Variants in EPHA6 observed in about 807,000 individuals in gnomAD.
EPHA6 encodes the protein ephrin type-A receptor 6.
A neutral mutation model predicts 112.0 loss-of-function variants in EPHA6; 50 were observed. That is an observed-to-expected ratio of 0.45 (90% confidence interval 0.36 to 0.56). The LOEUF (loss-of-function observed/expected upper bound fraction) is 0.56, where lower values mean the gene tolerates loss of function less well. EPHA6 is among the 20% of genes least tolerant of loss of function. The pLI is 0.00. For synonymous variants in EPHA6, 529 were observed against 490.7 expected (o/e 1.08, Z -1.03); for missense variants, 1,280 against 1,417.4 (o/e 0.90, Z 1.56).
intron 14 of EPHA6, among the ~76,000 whole-genome samples, chr3:97,716,286 G>GCTTCT (rs1406266727): frequency 4.1e-4 from 52 of 125,828 alleles, no homozygotes; most frequent in African/African-American, 2.1e-3. Flanking sequence ...AAGAAAAGAT[G>GCTTCT]GGCCGGGCGC....
chr3:97,388,635 T>G (rs1433554913), intron 5 of EPHA6, among the ~76,000 whole-genome samples: 2 of 152,140 alleles, frequency 1.3e-5, no homozygotes, highest in African/African-American at 2.4e-5. Flanking sequence ...CTTCTTCTCT[T>G]TGGTAATGGG....
At chr3:97,689,115 AGATATTAT>A (rs1280174593) in intron 14 of EPHA6, among the ~76,000 whole-genome samples, 1 of 152,240 alleles carries the variant, frequency 6.6e-6, no homozygotes, top group Non-Finnish European at 1.5e-5. Flanking sequence ...TATAGATATC[AGATATTAT>A]GTGAAGTAAA....
At chr3:97,198,138 C>G (rs533881968) in intron 3 of EPHA6, among the ~76,000 whole-genome samples, 3 of 152,202 alleles carry the variant, frequency 2.0e-5, no homozygotes, top group Non-Finnish European at 4.4e-5. Flanking sequence ...ACTATGGTCA[C>G]TCACCTGATT....
chr3:97,275,913 T>G (rs2080061633), intron 5 of EPHA6, among the ~76,000 whole-genome samples: 1 of 151,850 alleles, frequency 6.6e-6, no homozygotes, highest in South Asian at 2.1e-4. Flanking sequence ...AGCCTAGGAA[T>G]AGTCAGGGAA....
intron 14 of EPHA6, among the ~76,000 whole-genome samples, chr3:97,687,014 A>G (rs2032300835): frequency 6.6e-6 from 1 of 152,130 alleles, no homozygotes; most frequent in African/African-American, 2.4e-5. Context: ...CTTGCACTTC[A>G]CCTGCAATGA....
chr3:97,523,730 C>T (rs1383056021), intron 10 of EPHA6, among the ~76,000 whole-genome samples: 2 of 151,816 alleles, frequency 1.3e-5, no homozygotes, highest in Non-Finnish European at 2.9e-5. Context: ...TCTAGGTGCT[C>T]CAATGTTAGA....
intron 2 of EPHA6, among the ~76,000 whole-genome samples, chr3:96,985,649 A>T (rs1489650495): frequency 2.0e-5 from 3 of 152,114 alleles, no homozygotes; most frequent in African/African-American, 7.2e-5. Context: ...ATTCAAAGGA[A>T]CTCATTGTTT....
chr3:96,993,351 C>T (rs1366623851), intron 3 of EPHA6, among the ~76,000 whole-genome samples: 1 of 150,710 alleles, frequency 6.6e-6, no homozygotes, highest in African/African-American at 2.4e-5. Flanking sequence ...GGCTAGAGTA[C>T]AGTGGCGCGA....
rs374542349 is a variant in EPHA6, at chr3:97,036,949, C to G, written c.1114+48956C>G. Among the ~76,000 whole-genome samples, 26 of 151,992 alleles carry G rather than the reference C, an allele frequency of 1.7e-4. No individual in the cohort carries two copies. In the East Asian group the frequency reaches 4.7e-3, roughly 27 times the overall value. ...CTAGGTCAGTTATGTGACTCGCCGA[C>G]CCCTGGAGAATTCCATGGCCATTGA... On this transcript the variant is annotated intron_variant, in intron 3 of 17. Transcript: ENST00000389672.
chr3:97,005,385 A>G (rs533046411), intron 3 of EPHA6, among the ~76,000 whole-genome samples: 1 of 152,188 alleles, frequency 6.6e-6, no homozygotes, highest in African/African-American at 2.4e-5. Context: ...GCAATTGTGA[A>G]TGGGAGTTCA....
At position 97,749,956 on chromosome 3, in the gene EPHA6, T is replaced by C. The variant is rs145089150; in HGVS notation, c.*1255T>C. Among the ~76,000 whole-genome samples the C allele has an allele frequency of 6.8e-3, 1,042 of 152,298 alleles. 10 individuals are homozygous for C. Among genetic ancestry groups the C allele is most frequent in the Non-Finnish European group, 0.01 (713 of 68,022 alleles). On this transcript the variant is annotated 3_prime_UTR_variant, in exon 18 of 18. Transcript: ENST00000389672. ...AACCTGGGTCCAACGTACAGTTACA[T>C]AAAAATGAGAACACAGCTGTGTTGT...
At chr3:97,656,450 A>G (rs984631376) in intron 14 of EPHA6, among the ~76,000 whole-genome samples, 1 of 152,032 alleles carries the variant, frequency 6.6e-6, no homozygotes, top group Admixed American at 6.6e-5. Flanking sequence ...AACTTTTCCG[A>G]ACCTATAAAT....
intron 3 of EPHA6, among the ~76,000 whole-genome samples, chr3:97,222,108 G>A (rs1315435966): frequency 6.6e-6 from 1 of 151,544 alleles, no homozygotes; most frequent in Non-Finnish European, 1.5e-5. Flanking sequence ...TGTGCATACT[G>A]TGATATGTGA....
At chr3:97,445,840 A>G (rs1296793001) in intron 6 of EPHA6, among the ~76,000 whole-genome samples, 1 of 152,114 alleles carries the variant, frequency 6.6e-6, no homozygotes, top group African/African-American at 2.4e-5. Flanking sequence ...CAAAGATGAA[A>G]AACAGAACTT....
At chr3:97,121,934 C>G (rs1469646472) in intron 3 of EPHA6, among the ~76,000 whole-genome samples, 1 of 151,908 alleles carries the variant, frequency 6.6e-6, no homozygotes, top group Non-Finnish European at 1.5e-5. Flanking sequence ...TTGGTCTGGT[C>G]CCCCATATTC....
At chr3:97,739,539 G>A (rs1000508010) in intron 16 of EPHA6, among the ~76,000 whole-genome samples, 3 of 151,940 alleles carry the variant, frequency 2.0e-5, no homozygotes, top group African/African-American at 7.2e-5. Context: ...CTAACATATT[G>A]GAAATTTCAT....
chr3:97,266,008 G>T, intron 5 of EPHA6, among the ~76,000 whole-genome samples: 1 of 152,164 alleles, frequency 6.6e-6, no homozygotes, highest in Non-Finnish European at 1.5e-5. Context: ...GGATGCTTTT[G>T]GTTAATATGC....
At chr3:97,603,751 G>T (rs1383561998) in intron 12 of EPHA6, among the ~76,000 whole-genome samples, 2 of 151,832 alleles carry the variant, frequency 1.3e-5, no homozygotes, top group Admixed American at 1.3e-4. Context: ...ATTTAAAATA[G>T]GAAAATACTC....
intron 11 of EPHA6, among the ~76,000 whole-genome samples, chr3:97,548,650 T>C (rs1238796151): frequency 2.0e-5 from 3 of 152,240 alleles, no homozygotes; most frequent in African/African-American, 7.2e-5. Flanking sequence ...GCCTTTGGAT[T>C]TGGCTTCATT....
Sources: gnomAD v4.1 joint callset for allele counts (sites outside exome capture counted in the v4.1 genomes callset) on GRCh38, gnomAD v4.1.1 for gene constraint, MANE v1.5 for transcripts, NCBI Gene and HGNC (gene_info 2026-07-23, HGNC 2026-07-21) for gene names.